Variants in ADK observed in about 807,000 individuals in gnomAD.
ADK encodes the protein N6,N6-dimethyladenosine kinase.
ADK carries 24 observed loss-of-function variants against 44.7 expected under a neutral mutation model. The observed-to-expected ratio is 0.54, with a 90% confidence interval of 0.39 to 0.76. The LOEUF (loss-of-function observed/expected upper bound fraction) is 0.76. ADK is among the 30% of genes least tolerant of loss of function. The pLI, the probability that ADK is intolerant of heterozygous loss-of-function variation, is 0.00. For synonymous variants in ADK, 128 were observed against 142.6 expected (o/e 0.90, Z 0.73); for missense variants, 321 against 425.1 (o/e 0.76, Z 2.15).
chr10:74,623,454 A>G (rs559077748), intron 9 of ADK, among the ~76,000 whole-genome samples: 2 of 152,258 alleles, frequency 1.3e-5, no homozygotes, highest in East Asian at 3.9e-4. Flanking sequence ...CTTTGACCCA[A>G]GAAAATGTCC....
At chr10:74,160,408 A>G (rs937113809) in intron 1 of ADK, among the ~76,000 whole-genome samples, 2 of 152,206 alleles carry the variant, frequency 1.3e-5, no homozygotes, top group African/African-American at 4.8e-5. Flanking sequence ...CATACTGCCT[A>G]TGGGGTAGCC....
At chr10:74,551,188 T>C (rs1044356570) in intron 7 of ADK, among the ~76,000 whole-genome samples, 5 of 152,114 alleles carry the variant, frequency 3.3e-5, no homozygotes, top group African/African-American at 1.2e-4. Context: ...GGAGAAAGGA[T>C]AGTATTGGGA....
intron 6 of ADK, among the ~76,000 whole-genome samples, chr10:74,491,727 T>C (rs561086595): frequency 2.3e-4 from 35 of 152,234 alleles, no homozygotes; most frequent in Non-Finnish European, 4.0e-4. Context: ...ATTTTCAATT[T>C]ATCTTTGGTA....
At chr10:74,278,389 A>G (rs772327410) in intron 3 of ADK, among the ~76,000 whole-genome samples, 20 of 146,966 alleles carry the variant, frequency 1.4e-4, no homozygotes, top group Non-Finnish European at 2.7e-4. Flanking sequence ...AAAAAAAACA[A>G]CCCTAAAACA....
At chr10:74,453,021 A>T (rs141109902) in intron 6 of ADK, among the ~76,000 whole-genome samples, 117 of 152,174 alleles carry the variant, frequency 7.7e-4, no homozygotes, top group African/African-American at 2.7e-3. Context: ...ATTTTGCAGT[A>T]ATTTTACATT....
chr10:74,279,235 G>T (rs1846822064), intron 3 of ADK, among the ~76,000 whole-genome samples: 2 of 151,808 alleles, frequency 1.3e-5, no homozygotes, highest in East Asian at 1.9e-4. Context: ...ATCCGAGATT[G>T]CGCCACTGCA....
At chr10:74,210,531 C>T (rs1243436391) in intron 2 of ADK, among the ~76,000 whole-genome samples, 1 of 151,786 alleles carries the variant, frequency 6.6e-6, no homozygotes, top group Non-Finnish European at 1.5e-5. Flanking sequence ...TGGTGCTTGC[C>T]TGTAGTGCCA....
chr10:74,277,223 A>G (rs1024147876), intron 3 of ADK, among the ~76,000 whole-genome samples: 1 of 151,830 alleles, frequency 6.6e-6, no homozygotes, highest in South Asian at 2.1e-4. Flanking sequence ...CAGCCTTTAA[A>G]TATCTTAATA....
rs770357641 is a variant in ADK at position 74,610,318 on chromosome 10, A to G, written c.877+9825A>G. ...ATGCTAAGTGAAATAAGCCAGTCACAATGGGATAATTACTGTGTGATTCCA... is the reference window on the plus strand; with the variant it reads ...ATGCTAAGTGAAATAAGCCAGTCACGATGGGATAATTACTGTGTGATTCCA... On this transcript the variant is annotated intron_variant, in intron 9 of 10. Transcript: ENST00000539909. Among the ~76,000 whole-genome samples the G allele has an allele frequency of 5.7e-4, 86 of 152,204 alleles. 1 individual carries two copies. Among genetic ancestry groups the G allele is most frequent in the Admixed American group, 4.6e-4 (7 of 15,272 alleles).
intron 10 of ADK, among the ~76,000 whole-genome samples, chr10:74,698,419 C>A (rs1856283148): frequency 6.6e-6 from 1 of 152,210 alleles, no homozygotes; most frequent in Admixed American, 6.5e-5. Context: ...GGACCACAAG[C>A]CAGTGGCACT....
At chr10:74,629,957 G>A in intron 9 of ADK, among the ~76,000 whole-genome samples, 1 of 152,152 alleles carries the variant, frequency 6.6e-6, no homozygotes, top group African/African-American at 2.4e-5. Context: ...CTTAAAATAT[G>A]CATATCCTTT....
In ADK at chr10:74,671,623, AGGCT is replaced by A. The variant is rs1265896490; in HGVS notation, c.964+1355_964+1358del. Among the ~76,000 whole-genome samples the A allele has an allele frequency of 2.6e-5, 4 of 152,212 alleles. No individual in the cohort carries two copies. In the East Asian group the frequency reaches 7.7e-4, roughly 29 times the overall value. The stretch of plus-strand genomic sequence containing the variant: ...ACTTTTTAGAGCTATAGATGTATGT[AGGCT>A]AAAATATTTTATTCTGAATTTAACC... On this transcript the variant is annotated intron_variant, in intron 10 of 10. Coordinates refer to ENST00000539909, the MANE Select transcript of ADK (RefSeq NM_006721.4).
intron 4 of ADK, among the ~76,000 whole-genome samples, chr10:74,380,767 C>A (rs898536944): frequency 1.1e-4 from 17 of 151,840 alleles, no homozygotes; most frequent in Non-Finnish European, 1.8e-4. Flanking sequence ...CAAAAAAAAA[C>A]ACATTTTTTT....
At position 74,547,570 on chromosome 10, in the gene ADK, C is replaced by T. The variant is rs1849881286; in HGVS notation, c.726+22144C>T. On this transcript the variant is annotated intron_variant, in intron 7 of 10. Coordinates refer to ENST00000539909, the MANE Select transcript of ADK (RefSeq NM_006721.4). ...AATCTCGGCTCACTGCAACCTCCAC[C>T]TCCTGGATTGAAGTGATTCTCCTGC... Among the ~76,000 whole-genome samples, 3 of 150,808 alleles carry T rather than the reference C, an allele frequency of 2.0e-5. No homozygotes were observed. In the South Asian group the frequency reaches 6.3e-4, roughly 32 times the overall value.
At chr10:74,661,754 A>G (rs776093378) in intron 9 of ADK, among the ~76,000 whole-genome samples, 19 of 152,208 alleles carry the variant, frequency 1.2e-4, no homozygotes, top group Non-Finnish European at 7.3e-5. Context: ...CCGTGAAAGC[A>G]TCTCCAGTTA....
chr10:74,201,712 CTATCTATCTATCTAT>C (rs1843400211), intron 2 of ADK, among the ~76,000 whole-genome samples: 1 of 147,890 alleles, frequency 6.8e-6, no homozygotes, highest in Admixed American at 6.7e-5. Flanking sequence ...ATCTATCTAT[CTATCTATCTATCTAT>C]CTATATATGG....
chr10:74,677,289 A>G (rs928098792), intron 10 of ADK, among the ~76,000 whole-genome samples: 3 of 152,204 alleles, frequency 2.0e-5, no homozygotes, highest in Non-Finnish European at 2.9e-5. Flanking sequence ...CATGTTTAGA[A>G]AAGAACATTG....
At chr10:74,306,699 T>C (rs1840261991) in intron 3 of ADK, among the ~76,000 whole-genome samples, 1 of 152,178 alleles carries the variant, frequency 6.6e-6, no homozygotes, top group Non-Finnish European at 1.5e-5. Flanking sequence ...AGGGTTAAGC[T>C]AGGTCAAAGT....
intron 9 of ADK, among the ~76,000 whole-genome samples, chr10:74,664,236 T>G (rs945156216): frequency 2.6e-5 from 4 of 152,218 alleles, no homozygotes; most frequent in African/African-American, 9.6e-5. Context: ...TTTACCAATA[T>G]AGAAAGATAT....
Sources: gnomAD v4.1 joint callset for allele counts (sites outside exome capture counted in the v4.1 genomes callset) on GRCh38, gnomAD v4.1.1 for gene constraint, MANE v1.5 for transcripts, NCBI Gene and HGNC (gene_info 2026-07-23, HGNC 2026-07-21) for gene names.